SUCO: variants seen among roughly 807,000 people sequenced by gnomAD.
SUCO encodes the protein SUN domain-containing ossification factor.
Under a neutral mutation model 148.1 loss-of-function variants are expected in SUCO, and 57 were observed. That is an observed-to-expected ratio of 0.38 (90% CI 0.31 to 0.48). The LOEUF is 0.48. SUCO is among the 20% of genes least tolerant of loss of function. The pLI, the probability that SUCO is intolerant of heterozygous loss-of-function variation, is 0.96. For missense variants in SUCO, 1,331 were observed against 1,468.2 expected, an observed-to-expected ratio of 0.91 and a Z score of 1.53; for synonymous variants, 470 against 502.7, an observed-to-expected ratio of 0.93 and a Z score of 0.87.
At chr1:172,546,298 T>C (rs1453564648) in intron 1 of SUCO, among the ~76,000 whole-genome samples, 1 of 152,218 alleles carries the variant, frequency 6.6e-6, no homozygotes, top group African/African-American at 2.4e-5. Flanking sequence ...GTTGGATTTT[T>C]CCATATTGCT....
intron 1 of SUCO, among the ~76,000 whole-genome samples, chr1:172,542,291 A>G (rs1177271341): frequency 6.6e-6 from 1 of 152,150 alleles, no homozygotes; most frequent in Non-Finnish European, 1.5e-5. Flanking sequence ...CTGAGGCAGG[A>G]GAATCACTTG....
rs757063370 is a variant in SUCO at position 172,589,286 on chromosome 1, C to G, written c.2185C>G (p.Leu729Val). 1.8e-5 allele frequency: 29 copies of G among 1,613,572 alleles called. No individual in the cohort carries two copies. The highest frequency in any genetic ancestry group is 1.2e-4 in the Admixed American group (7 of 59,950). ...ACTTGAACCAAGCCATTCTCAAACT[C>G]TTTCTCAGTCTCTTCTTTTAGATAT... ...VELEPSHSQT[L>V]SQSLLLDITP... The change falls in exon 18 of 24, where the codon CTT (leucine) becomes GTT (valine). Residue 729 changes from leucine (L) to valine (V), a missense_variant. By Grantham distance (32) the Leu-to-Val change is conservative (BLOSUM62 1). Coordinates refer to ENST00000263688, the MANE Select transcript of SUCO (RefSeq NM_014283.5).
chr1:172,602,872 ACCATCTGC>A, intron 22 of SUCO, 85 bp downstream of exon 22: 4 of 1,141,616 alleles, frequency 3.5e-6, no homozygotes, highest in African/African-American at 1.6e-5. Context: ...TGTGTTCATG[ACCATCTGC>A]AACAAAAAAT....
chr1:172,546,538 A>C (rs1248186559), intron 1 of SUCO, among the ~76,000 whole-genome samples: 1 of 152,236 alleles, frequency 6.6e-6, no homozygotes, highest in Non-Finnish European at 1.5e-5. Context: ...TAAGAGGCGC[A>C]GGCTTCAGAG....
intron 3 of SUCO, among the ~76,000 whole-genome samples, chr1:172,555,567 T>G (rs550682156): frequency 1.3e-5 from 2 of 152,176 alleles, no homozygotes; most frequent in Non-Finnish European, 2.9e-5. Context: ...CTACTATCAT[T>G]CATCAATTAG....
rs988506975 is a variant in SUCO at position 172,572,697 on chromosome 1, A to T, written c.1050-1194A>T. Among the ~76,000 whole-genome samples the T allele has an allele frequency of 8.4e-3, 353 of 42,026 alleles. 3 individuals are homozygous for T. The highest frequency in any genetic ancestry group is 0.047 in the African/African-American group (289 of 6,204). The allele number at this position is 42,026 out of a possible 152,430, so 27.6% of individuals were successfully genotyped here. A position where few individuals can be genotyped will look rare whatever the true frequency, so the allele number is the denominator to read the frequency against. On this transcript the variant is annotated intron_variant, in intron 9 of 23. Transcript: ENST00000263688. ...TGAGAAACACCCAAGAATGATCAAT[A>T]AAAAAAAAAAAAAAAAAAAAAAAAA...
intron 1 of SUCO, chr1:172,550,848 C>T (rs1236053925): frequency 2.1e-6 from 2 of 954,940 alleles, no homozygotes; most frequent in Non-Finnish European, 2.5e-6. Context: ...CATATTTTTC[C>T]TTGATATTTT....
At chr1:172,600,696 ATGTGTGTG>A (rs61681764) in intron 20 of SUCO, among the ~76,000 whole-genome samples, 75,744 of 148,906 alleles carry the variant, frequency 0.51, 19,146 homozygotes, top group South Asian at 0.66. Context: ...AGAAAATTAA[ATGTGTGTG>A]TGTGTGTGTG....
At chr1:172,588,013 T>C (rs1656360400) in intron 17 of SUCO, 1 of 819,820 alleles carries the variant, frequency 1.2e-6, no homozygotes, top group South Asian at 5.6e-5. Context: ...GTGGCACTAG[T>C]AGTTTAATAG....
At chr1:172,572,841 A>G (rs1487532240) in intron 9 of SUCO, among the ~76,000 whole-genome samples, 1 of 151,814 alleles carries the variant, frequency 6.6e-6, no homozygotes, top group Non-Finnish European at 1.5e-5. Flanking sequence ...GCATTCGTTT[A>G]TCTATAAGTA....
rs1653709369 is a variant in SUCO, at chr1:172,555,857, T to G, written c.289-12T>G. ...TCAACATTTAATTTAGCTGACTTGT[T>G]TTTTTAAACAGAATACAGAGTCAAA... On this transcript the variant is annotated splice_polypyrimidine_tract_variant and intron_variant, in intron 3 of 23. Transcript: ENST00000263688. 6.3e-7 allele frequency: 1 copy of G among 1,576,894 alleles called. No homozygotes were observed. Among genetic ancestry groups the G allele is most frequent in the South Asian group, 1.2e-5 (1 of 84,642 alleles).
chr1:172,608,651 G>A, intron 22 of SUCO, 96 bp from the exon 23 acceptor site: 6 of 822,742 alleles, frequency 7.3e-6, no homozygotes, highest in Non-Finnish European at 1.2e-5. Flanking sequence ...GGATAATAAG[G>A]AATGAATGAT....
intron 17 of SUCO, among the ~76,000 whole-genome samples, chr1:172,587,206 C>T (rs909235090): frequency 6.6e-6 from 1 of 151,914 alleles, no homozygotes; most frequent in Non-Finnish European, 1.5e-5. Context: ...TGCATAATTT[C>T]TTATTCAGTA....
At chr1:172,583,847 C>G (rs1656048417) in intron 15 of SUCO, among the ~76,000 whole-genome samples, 1 of 152,104 alleles carries the variant, frequency 6.6e-6, no homozygotes. Flanking sequence ...GTCTTCTATT[C>G]CCAGTACCAT....
chr1:172,533,638 C>A, intron 1 of SUCO, 141 bp downstream of exon 1: 1 of 1,097,878 alleles, frequency 9.1e-7, no homozygotes, highest in Non-Finnish European at 1.3e-6. Context: ...GATTACTTCT[C>A]GACTCTCCAT....
At chr1:172,572,364 C>A (rs1027934034) in intron 9 of SUCO, among the ~76,000 whole-genome samples, 32 of 151,942 alleles carry the variant, frequency 2.1e-4, no homozygotes, top group Admixed American at 5.2e-4. Flanking sequence ...AAGAAAAATT[C>A]TTCTGCCTTG....
intron 13 of SUCO, 44 bp downstream of exon 13, chr1:172,577,863 G>C (rs546612647): frequency 6.8e-7 from 1 of 1,468,422 alleles, no homozygotes; most frequent in South Asian, 1.2e-5. Context: ...TAAAAAAATT[G>C]ATATACAAAA....
chr1:172,576,719 G>C (rs1169240557), intron 11 of SUCO: 1 of 179,662 alleles, frequency 5.6e-6, no homozygotes, highest in African/African-American at 2.4e-5. Context: ...TTTCCACCTT[G>C]TTCCTTTTAT....
intron 15 of SUCO, among the ~76,000 whole-genome samples, chr1:172,580,867 CTAGA>C (rs1329755358): frequency 6.6e-6 from 1 of 152,122 alleles, no homozygotes. Context: ...TTTGGGAGGC[CTAGA>C]TAGGCGGATG....
Sources: allele counts gnomAD v4.1 joint callset (sites outside exome capture counted in the v4.1 genomes callset), GRCh38; gene constraint gnomAD v4.1.1; transcripts MANE v1.5; gene names NCBI Gene and HGNC (gene_info 2026-07-23, HGNC 2026-07-21).